Variants in CSMD3 observed in about 807,000 individuals in gnomAD.
CSMD3 encodes CUB and Sushi multiple domains 3.
CSMD3 carries 177 observed loss-of-function variants against 435.2 expected under a neutral mutation model. The ratio of observed to expected loss-of-function variants is 0.41; its 90% CI spans 0.36 to 0.46. The LOEUF is 0.46. CSMD3 is among the 20% of genes least tolerant of loss of function. The pLI, the probability that CSMD3 is intolerant of heterozygous loss-of-function variation, is 0.34. For missense variants in CSMD3, 4,265 were observed against 4,504.6 expected, an observed-to-expected ratio of 0.95 and a Z score of 1.52; for synonymous variants, 1,656 against 1,520.5, an observed-to-expected ratio of 1.09 and a Z score of -2.07.
At chr8:113,278,285 T>A (rs1005962454) in intron 3 of CSMD3, among the ~76,000 whole-genome samples, 2 of 151,846 alleles carry the variant, frequency 1.3e-5, no homozygotes, top group Non-Finnish European at 2.9e-5. Flanking sequence ...CACAAGGGAC[T>A]GTAGGGTAGG....
At chr8:112,491,291 T>A (rs182756282) in intron 31 of CSMD3, among the ~76,000 whole-genome samples, 2 of 152,192 alleles carry the variant, frequency 1.3e-5, no homozygotes, top group South Asian at 4.1e-4. Flanking sequence ...CAGGTAAATA[T>A]ATACACAGAG....
chr8:112,551,831 A>G (rs942959945), intron 26 of CSMD3, among the ~76,000 whole-genome samples: 10 of 152,072 alleles, frequency 6.6e-5, no homozygotes, highest in South Asian at 4.1e-4. Context: ...ACTACTTTAT[A>G]TAAGTAGTAA....
At chr8:112,861,665 T>C (rs922498370) in intron 10 of CSMD3, among the ~76,000 whole-genome samples, 2 of 151,952 alleles carry the variant, frequency 1.3e-5, no homozygotes, top group Non-Finnish European at 2.9e-5. Context: ...TAGCACATTA[T>C]TTGAACAGCA....
Position 112,472,633 on chromosome 8 carries a change from C to T in CSMD3, c.5353G>A (p.Gly1785Arg), listed in dbSNP as rs1371160442. The change falls in exon 32 of 71, where the codon GGA (glycine) becomes AGA (arginine). Residue 1785 changes from glycine (G) to arginine (R), a missense_variant. Gly to Arg is a moderately radical substitution (Grantham distance 125). Transcript: ENST00000297405. ...SPNYPKNYSV[G>R]HNCVYSIAVP... is the part of the protein sequence containing the mutation. The stretch of plus-strand genomic sequence containing the variant: ...GCTATAGAATAAACACAATTATGTC[C>T]CACACTGTAATTTTTTGGATAGTTT... 1 of 1,609,656 alleles carries T rather than the reference C, an allele frequency of 6.2e-7. No homozygotes were observed. The highest frequency in any genetic ancestry group is 2.2e-5 in the East Asian group (1 of 44,778).
intron 27 of CSMD3, among the ~76,000 whole-genome samples, chr8:112,532,572 A>C (rs1825644239): frequency 6.6e-6 from 1 of 152,296 alleles, no homozygotes. Context: ...AAAGGCAAAA[A>C]AATTTCTAAC....
intron 3 of CSMD3, among the ~76,000 whole-genome samples, chr8:113,219,924 C>G (rs940101746): frequency 2.0e-5 from 3 of 151,336 alleles, no homozygotes; most frequent in Admixed American, 6.6e-5. Flanking sequence ...GAACTTTTGA[C>G]ATTTGAGGAG....
At chr8:113,143,974 A>T (rs1237120052) in intron 4 of CSMD3, among the ~76,000 whole-genome samples, 1 of 151,344 alleles carries the variant, frequency 6.6e-6, no homozygotes, top group African/African-American at 2.4e-5. Flanking sequence ...TTTCTCTGTA[A>T]TTTTTCTTAA....
chr8:113,428,180 G>C (rs759539881), intron 1 of CSMD3, among the ~76,000 whole-genome samples: 10 of 151,344 alleles, frequency 6.6e-5, no homozygotes, highest in Non-Finnish European at 5.9e-5. Context: ...AACCAATTAA[G>C]TTATGTGTTA....
chr8:112,292,529 AC>A lies in CSMD3; in HGVS notation c.8788+7del. The A allele has an allele frequency of 3.7e-6, 6 of 1,613,370 alleles. No individual in the cohort carries two copies. The highest frequency in any genetic ancestry group is 5.1e-6 in the Non-Finnish European group (6 of 1,179,348). On this transcript the variant is annotated splice_region_variant and intron_variant, in intron 55 of 70. Coordinates refer to ENST00000297405, the MANE Select transcript of CSMD3 (RefSeq NM_198123.2). ...TGCCACCAAATGGGAATATACTTAG[AC>A]ATTTACCTTTGCACATAGGTGGAGG...
chr8:112,502,745 G>A (rs927653463), intron 30 of CSMD3, among the ~76,000 whole-genome samples: 27 of 152,128 alleles, frequency 1.8e-4, no homozygotes, highest in Admixed American at 1.0e-3. Flanking sequence ...TTGGCTGATG[G>A]ATGCTTTGGA....
chr8:113,052,898 T>A (rs1381008479), intron 5 of CSMD3, among the ~76,000 whole-genome samples: 1 of 152,244 alleles, frequency 6.6e-6, no homozygotes, highest in Non-Finnish European at 1.5e-5. Flanking sequence ...AAAAATCTGA[T>A]GTGAATTCAA....
chr8:113,347,136 G>C (rs1311601221), intron 1 of CSMD3, among the ~76,000 whole-genome samples: 2 of 151,968 alleles, frequency 1.3e-5, no homozygotes, highest in African/African-American at 4.8e-5. Flanking sequence ...ATAAATCTTT[G>C]CAAGAAAGTG....
At chr8:112,836,962 A>G (rs1282334160) in intron 11 of CSMD3, among the ~76,000 whole-genome samples, 2 of 151,840 alleles carry the variant, frequency 1.3e-5, no homozygotes, top group Non-Finnish European at 2.9e-5. Context: ...ACATCATGCT[A>G]TTCTACGTTA....
intron 7 of CSMD3, among the ~76,000 whole-genome samples, chr8:112,959,441 A>G (rs1454285295): frequency 6.6e-6 from 1 of 151,882 alleles, no homozygotes; most frequent in Non-Finnish European, 1.5e-5. Flanking sequence ...TGTATTATAA[A>G]CCTATAATTC....
chr8:113,203,622 T>C (rs1198325026), intron 3 of CSMD3, among the ~76,000 whole-genome samples: 1 of 151,982 alleles, frequency 6.6e-6, no homozygotes, highest in Non-Finnish European at 1.5e-5. Flanking sequence ...AAATATCATA[T>C]ACCACTGAAG....
chr8:112,242,140 T>G (rs1814231680), intron 65 of CSMD3, among the ~76,000 whole-genome samples: 1 of 152,158 alleles, frequency 6.6e-6, no homozygotes, highest in South Asian at 2.1e-4. Flanking sequence ...GAGTTGTTTT[T>G]GTTGACAGAA....
chr8:113,354,801 G>A (rs962481185), intron 1 of CSMD3, among the ~76,000 whole-genome samples: 4 of 151,826 alleles, frequency 2.6e-5, no homozygotes, highest in South Asian at 2.1e-4. Flanking sequence ...TACCATGCCC[G>A]ACTATTTTTT....
chr8:112,432,272 G>A (rs991089656), intron 32 of CSMD3, among the ~76,000 whole-genome samples: 1 of 152,016 alleles, frequency 6.6e-6, no homozygotes, highest in Non-Finnish European at 1.5e-5. Context: ...ACAAACTGAA[G>A]GTCAAGATTC....
intron 42 of CSMD3, 96 bp downstream of exon 42, chr8:112,341,381 C>G: frequency 1.3e-6 from 1 of 756,226 alleles, no homozygotes. Flanking sequence ...TTTTTTCTTT[C>G]TAAAACAGAA....
Sources: gnomAD v4.1 joint callset for allele counts (sites outside exome capture counted in the v4.1 genomes callset) on GRCh38, gnomAD v4.1.1 for gene constraint, MANE v1.5 for transcripts, NCBI Gene and HGNC (gene_info 2026-07-23, HGNC 2026-07-21) for gene names.